GCN1: variants seen among roughly 807,000 people sequenced by gnomAD.
GCN1 encodes the protein stalled ribosome sensor GCN1.
A neutral mutation model predicts 288.4 loss-of-function variants in GCN1; 90 were observed. That is an observed-to-expected ratio of 0.31 (90% CI 0.26 to 0.37). GCN1 has a LOEUF of 0.37. GCN1 is among the 10% of genes least tolerant of loss of function. The pLI is 1.00. For missense variants in GCN1, 2,586 were observed against 3,419.9 expected, an observed-to-expected ratio of 0.76 and a Z score of 6.08; for synonymous variants, 1,386 against 1,420.2, an observed-to-expected ratio of 0.98 and a Z score of 0.54.
intron 31 of GCN1, 57 bp downstream of exon 31, chr12:120,154,913 C>T (rs1171083770): frequency 1.3e-6 from 2 of 1,491,292 alleles, no homozygotes; most frequent in Admixed American, 1.7e-5. Flanking sequence ...ACCCACCCAG[C>T]CAACCTGCCA....
intron 2 of GCN1, among the ~76,000 whole-genome samples, chr12:120,189,847 C>T (rs375085193): frequency 1.4e-4 from 21 of 152,142 alleles, no homozygotes; most frequent in Middle Eastern, 3.4e-3. Context: ...GGTGTGGTGG[C>T]GCACACCTGT....
At chr12:120,151,066 G>T in intron 34 of GCN1, 79 bp downstream of exon 34, 4 of 1,512,840 alleles carry the variant, frequency 2.6e-6, no homozygotes, top group Non-Finnish European at 3.6e-6. Context: ...CACCTGGGGC[G>T]CCACGGTCAG....
chr12:120,171,759 C>T (rs1426134831), intron 14 of GCN1, among the ~76,000 whole-genome samples: 5 of 152,152 alleles, frequency 3.3e-5, no homozygotes, highest in South Asian at 2.1e-4. Flanking sequence ...ATAAATGCAA[C>T]GAGCAGAACT....
At position 120,160,231 on chromosome 12, in the gene GCN1, T is replaced by C; in HGVS notation, c.2461A>G (p.Lys821Glu). 1.2e-6 allele frequency: 2 copies of C among 1,612,264 alleles called. No individual in the cohort carries two copies. The highest frequency in any genetic ancestry group is 1.7e-6 in the Non-Finnish European group (2 of 1,179,722). ...KEEIKKKKGI[K>E]EEVQLTSKQK... ...TTGCTGGTCAGCTGCACCTCCTCTT[T>C]GATGCCTTTCTTCTTCTTTATCTCC... is the stretch of plus-strand genomic sequence containing the variant. Residue 821 changes from lysine (K) to glutamate (E), a missense_variant, in exon 23 of 58, where the codon AAA becomes GAA. Lys to Glu is a moderately conservative substitution (Grantham distance 56). Transcript: ENST00000300648.
At chr12:120,135,658 C>T (rs918833543) in intron 51 of GCN1, among the ~76,000 whole-genome samples, 2 of 152,082 alleles carry the variant, frequency 1.3e-5, no homozygotes, top group Admixed American at 6.6e-5. Context: ...CCACCACGCC[C>T]GGCTTACTTA....
rs371645575 is a variant in GCN1, at chr12:120,142,304, C to T, written c.5829+203G>A. Among the ~76,000 whole-genome samples, 3 of 152,056 alleles carry T rather than the reference C, an allele frequency of 2.0e-5. No homozygotes were observed. The highest frequency in any genetic ancestry group is 2.1e-4 in the South Asian group (1 of 4,800). On this transcript the variant is annotated intron_variant, in intron 44 of 57. Transcript: ENST00000300648. This position sits in a 1 kb window ranked among gnomAD's most constrained non-coding sequence, Gnocchi z 4.9. ...TCACGCCACTGCACTTCAGCCTGGGCGACAGAGCAAGACTCCACCTCAAAA... is the reference window on the plus strand; with the variant it reads ...TCACGCCACTGCACTTCAGCCTGGGTGACAGAGCAAGACTCCACCTCAAAA...
At position 120,137,181 on chromosome 12, in the gene GCN1, C is replaced by T. The variant is rs866831550; in HGVS notation, c.6777+25G>A. On this transcript the variant is annotated intron_variant, in intron 50 of 57. Coordinates refer to ENST00000300648, the MANE Select transcript of GCN1 (RefSeq NM_006836.2). The surrounding 1 kb of genome is among the most constrained non-coding windows in gnomAD (Gnocchi z 5.2). The stretch of plus-strand genomic sequence containing the variant: ...GGCACAACAGACTGCACGCCCACAG[C>T]CCCCTGCACGAGGCCCTGGCTTACC... 15 of 1,530,012 alleles carry T rather than the reference C, an allele frequency of 9.8e-6. No homozygotes were observed. In the Middle Eastern group the frequency reaches 1.1e-3, roughly 116 times the overall value. The allele number at this position is 1,530,012 out of a possible 1,614,324, so 94.8% of individuals were successfully genotyped here.
Position 120,141,399 on chromosome 12 carries a change from T to C in GCN1, c.5830-376A>G, listed in dbSNP as rs537173066. ...ACAAAGCTTTAAGGAAAAAAAAACATCTACTTTCTGAGACCTCATGCAAAC... is the reference window on the plus strand; with the variant it reads ...ACAAAGCTTTAAGGAAAAAAAAACACCTACTTTCTGAGACCTCATGCAAAC... On this transcript the variant is annotated intron_variant, in intron 44 of 57. Transcript: ENST00000300648. Among the ~76,000 whole-genome samples the C allele has an allele frequency of 9.9e-5, 15 of 152,158 alleles. No homozygotes were observed. The South Asian group carries it at 3.1e-3, about 32-fold the overall frequency.
chr12:120,186,307 G>T (rs1203253784), intron 2 of GCN1, among the ~76,000 whole-genome samples: 1 of 152,154 alleles, frequency 6.6e-6, no homozygotes, highest in East Asian at 1.9e-4. Flanking sequence ...CCCAGAAAGT[G>T]GAGGTTGCAG....
In GCN1 at chr12:120,138,811, A is replaced by G; in HGVS notation, c.6040T>C (p.Leu2014=). Residue 2014 remains leucine (L), a synonymous_variant, in exon 46 of 58, where the codon TTG becomes CTG. Coordinates refer to ENST00000300648, the MANE Select transcript of GCN1 (RefSeq NM_006836.2). ...ESLVPTARKA[L]CDPLEEVREA... ...CTGACCTCCTCCAGTGGGTCACACA[A>G]AGCCTTCCTTGCCGTGGGCACGAGG... The G allele has an allele frequency of 6.2e-7, 1 of 1,614,022 alleles. No homozygotes were observed. The highest frequency in any genetic ancestry group is 8.5e-7 in the Non-Finnish European group (1 of 1,179,868).
At chr12:120,177,050 G>C (rs976565493) in intron 9 of GCN1, among the ~76,000 whole-genome samples, 2 of 152,124 alleles carry the variant, frequency 1.3e-5, no homozygotes, top group African/African-American at 4.8e-5. Flanking sequence ...ACAGGCATGA[G>C]CCACCGCGCC....
intron 5 of GCN1, among the ~76,000 whole-genome samples, chr12:120,180,175 G>A (rs958232768): frequency 4.6e-5 from 7 of 151,626 alleles, no homozygotes; most frequent in South Asian, 4.2e-4. Flanking sequence ...GTGTGGTGGC[G>A]CATGCCTGTA....
chr12:120,147,371 C>T, intron 37 of GCN1, 99 bp from the exon 38 acceptor site: 1 of 533,838 alleles, frequency 1.9e-6, no homozygotes, highest in Non-Finnish European at 3.2e-6. Flanking sequence ...AGAAGGGAGT[C>T]TGGCACACCT....
In GCN1 at chr12:120,150,062, G is replaced by C; in HGVS notation, c.4310-19C>G. 1 of 1,612,970 alleles carries C rather than the reference G, an allele frequency of 6.2e-7. No individual in the cohort carries two copies. Among genetic ancestry groups the C allele is most frequent in the Non-Finnish European group, 8.5e-7 (1 of 1,179,686 alleles). The stretch of plus-strand genomic sequence containing the variant: ...AGGGCTCCTAGGGGAAAAGAAGGTG[G>C]GACGGCTGGGAAGAGAATGTCCCCT... On this transcript the variant is annotated intron_variant, in intron 34 of 57. Coordinates refer to ENST00000300648, the MANE Select transcript of GCN1 (RefSeq NM_006836.2).
At position 120,190,389 on chromosome 12, in the gene GCN1, T is replaced by G; in HGVS notation, c.30A>C (p.Thr10=). The G allele has an allele frequency of 6.3e-7, 1 of 1,596,688 alleles. No individual in the cohort carries two copies. Among genetic ancestry groups the G allele is most frequent in the Non-Finnish European group, 8.6e-7 (1 of 1,164,244 alleles). Residue 10 remains threonine (T), a synonymous_variant, in exon 2 of 58, where the codon ACA becomes ACC. Transcript: ENST00000300648. MAADTQVSE[T]LKRFAGKVTT... ...TCACCTTCCCTGCAAAACGCTTTAG[T>G]GTCTCGGAAACCTGTGAAGGCCAAG...
In GCN1 at chr12:120,164,464, G is replaced by A. The variant is rs769120772; in HGVS notation, c.1720C>T (p.Leu574=). ...QYHRALVAVL[L]SRTWHVRRQA... is the part of the protein sequence containing the mutation. ...CTGCGGACGTGCCAGGTGCGGCTCAGGAGCACCGCCACCAGAGCCCGGTGG... is the reference window on the plus strand; with the variant it reads ...CTGCGGACGTGCCAGGTGCGGCTCAAGAGCACCGCCACCAGAGCCCGGTGG... Residue 574 remains leucine, a synonymous_variant, in exon 18 of 58, where the codon CTG becomes TTG. Coordinates refer to ENST00000300648, the MANE Select transcript of GCN1 (RefSeq NM_006836.2). 1 of 1,614,144 alleles carries A rather than the reference G, an allele frequency of 6.2e-7. No individual in the cohort carries two copies. Among genetic ancestry groups the A allele is most frequent in the Non-Finnish European group, 8.5e-7 (1 of 1,180,016 alleles).
intron 22 of GCN1, among the ~76,000 whole-genome samples, chr12:120,160,804 A>G (rs547394723): frequency 2.6e-5 from 4 of 152,370 alleles, no homozygotes; most frequent in East Asian, 1.9e-4. Context: ...CGGAGCTCAC[A>G]ATCTAGCAGG....
At position 120,138,048 on chromosome 12, in the gene GCN1, G is replaced by A. The variant is rs750851824; in HGVS notation, c.6250-4C>T. On this transcript the variant is annotated splice_polypyrimidine_tract_variant and splice_region_variant and intron_variant, in intron 47 of 57. Transcript: ENST00000300648. Reference sequence around the variant, plus strand: ...TGTTGACAGGTGGCGTTGTCAGCTGGTGGAATGACAAACATTAACTCAGTG... The same window carrying A: ...TGTTGACAGGTGGCGTTGTCAGCTGATGGAATGACAAACATTAACTCAGTG... The A allele has an allele frequency of 6.2e-7, 1 of 1,609,892 alleles. No homozygotes were observed. The highest frequency in any genetic ancestry group is 8.5e-7 in the Non-Finnish European group (1 of 1,177,976).
intron 53 of GCN1, among the ~76,000 whole-genome samples, chr12:120,133,915 C>T (rs955612512): frequency 3.3e-5 from 5 of 152,124 alleles, no homozygotes; most frequent in African/African-American, 1.2e-4. Flanking sequence ...ACTAAAAGTA[C>T]AAGTATTAGC....
Sources: gnomAD v4.1 joint callset for allele counts (sites outside exome capture counted in the v4.1 genomes callset) on GRCh38, gnomAD v4.1.1 for gene constraint, Gnocchi (gnomAD v3.1) non-coding constraint, MANE v1.5 for transcripts, NCBI Gene and HGNC (gene_info 2026-07-23, HGNC 2026-07-21) for gene names.